Variants in NCKAP5 observed in about 807,000 individuals in gnomAD.
The protein encoded by NCKAP5 is nck-associated protein 5.
In NCKAP5, 92 loss-of-function variants were observed where a neutral mutation model predicts 167.0. The ratio of observed to expected loss-of-function variants is 0.55; its 90% CI spans 0.47 to 0.66. The LOEUF is 0.66. Among genes scored for constraint, NCKAP5 ranks in the 30% least tolerant of loss-of-function variants. The pLI, the probability that NCKAP5 is intolerant of heterozygous loss-of-function variation, is 0.00. For missense variants in NCKAP5, 2,378 were observed against 2,315.0 expected (o/e 1.03, Z -0.56); for synonymous variants, 891 against 877.4 (o/e 1.02, Z -0.27).
At chr2:133,462,372 G>A (rs1039571477) in intron 3 of NCKAP5, among the ~76,000 whole-genome samples, 1 of 152,074 alleles carries the variant, frequency 6.6e-6, no homozygotes, top group Non-Finnish European at 1.5e-5. Flanking sequence ...ACTAAATCTT[G>A]GCTTCTACAG....
intron 3 of NCKAP5, among the ~76,000 whole-genome samples, chr2:133,453,618 T>C (rs1304769548): frequency 6.6e-6 from 1 of 152,070 alleles, no homozygotes; most frequent in Admixed American, 6.6e-5. Flanking sequence ...GCCAGTAAAA[T>C]ATATTTATGC....
At chr2:133,323,725 G>C (rs1429005912) in intron 3 of NCKAP5, among the ~76,000 whole-genome samples, 1 of 152,186 alleles carries the variant, frequency 6.6e-6, no homozygotes, top group Non-Finnish European at 1.5e-5. Flanking sequence ...CAGAACCAGT[G>C]TGATTGTCTG....
chr2:133,233,443 T>G lies in NCKAP5; in HGVS notation c.144-19664A>C, dbSNP rs7605535. On this transcript the variant is annotated intron_variant, in intron 4 of 19. Coordinates refer to ENST00000409261, the MANE Select transcript of NCKAP5 (RefSeq NM_207363.3). ...GACATACATACATATTGCATTGAAA[T>G]AAAAAAATCAAAAGAGTATTTTCAC... Among the ~76,000 whole-genome samples the G allele has an allele frequency of 4.1e-3, 620 of 152,130 alleles. 4 individuals are homozygous for G. Among genetic ancestry groups the G allele is most frequent in the African/African-American group, 0.014 (585 of 41,524 alleles).
intron 4 of NCKAP5, among the ~76,000 whole-genome samples, chr2:133,228,932 A>G (rs1297550960): frequency 6.6e-6 from 1 of 152,196 alleles, no homozygotes; most frequent in Admixed American, 6.5e-5. Context: ...ATCAACAATA[A>G]AGTCAACAAT....
At chr2:133,090,740 T>G (rs2149633897) in intron 6 of NCKAP5, among the ~76,000 whole-genome samples, 1 of 149,414 alleles carries the variant, frequency 6.7e-6, no homozygotes, top group Non-Finnish European at 1.5e-5. Context: ...GTTTATGTGT[T>G]TGTTTTGCCC....
chr2:132,720,073 C>G (rs771717454), intron 19 of NCKAP5, among the ~76,000 whole-genome samples: 1 of 152,118 alleles, frequency 6.6e-6, no homozygotes, highest in East Asian at 1.9e-4. Context: ...TCCCTTCATC[C>G]GGAGATTGGG....
At position 133,194,164 on chromosome 2, in the gene NCKAP5, T is replaced by C. The variant is rs375764396; in HGVS notation, c.207+19552A>G. ...CTCCTTTTTTTAAAATAAAAACTAA[T>C]GAAAGCTAGAGAAAGGTGGCACTAG... is the stretch of plus-strand genomic sequence containing the variant. On this transcript the variant is annotated intron_variant, in intron 5 of 19. Transcript: ENST00000409261. Among the ~76,000 whole-genome samples, 111 of 152,208 alleles carry C rather than the reference T, an allele frequency of 7.3e-4. 1 individual carries two copies. The Middle Eastern group carries it at 0.01, about 14-fold the overall frequency.
At chr2:132,926,214 G>T (rs774421546) in intron 8 of NCKAP5, 1 of 392,550 alleles carries the variant, frequency 2.5e-6, no homozygotes, top group Middle Eastern at 3.6e-4. Context: ...TTCTGCAAAA[G>T]ATATGATTTC....
At chr2:133,439,508 G>A (rs1187073758) in intron 3 of NCKAP5, among the ~76,000 whole-genome samples, 1 of 152,222 alleles carries the variant, frequency 6.6e-6, no homozygotes, top group Non-Finnish European at 1.5e-5. Context: ...TGATCCTTGA[G>A]CAGGCTGGGC....
intron 4 of NCKAP5, among the ~76,000 whole-genome samples, chr2:133,222,434 C>T (rs1177695255): frequency 1.3e-5 from 2 of 152,076 alleles, no homozygotes; most frequent in Non-Finnish European, 2.9e-5. Flanking sequence ...TCTATTAATA[C>T]ATTCAATATG....
chr2:133,113,568 G>T (rs188124757), intron 6 of NCKAP5, among the ~76,000 whole-genome samples: 2 of 152,296 alleles, frequency 1.3e-5, no homozygotes, highest in East Asian at 3.9e-4. Flanking sequence ...ACCAGGTGTG[G>T]GTTTCCCTGC....
At chr2:133,592,395 T>C in the NCKAP5 span, among the ~76,000 whole-genome samples, 1 of 152,236 alleles carries the variant, frequency 6.6e-6, no homozygotes, top group African/African-American at 2.4e-5. Context: ...TTCACAGGCA[T>C]CTCTCTCCTT....
chr2:132,995,415 C>T (rs1392918933), intron 6 of NCKAP5, among the ~76,000 whole-genome samples: 2 of 151,908 alleles, frequency 1.3e-5, no homozygotes, highest in Non-Finnish European at 2.9e-5. Context: ...CTTTGGGAGG[C>T]TGAGGTGGGT....
At chr2:133,635,195 G>C in the NCKAP5 span, among the ~76,000 whole-genome samples, 1 of 151,968 alleles carries the variant, frequency 6.6e-6, no homozygotes, top group African/African-American at 2.4e-5. Flanking sequence ...TTCTAAGTCT[G>C]GCAACTGCAT....
chr2:133,361,254 C>A (rs1574797364), intron 3 of NCKAP5, among the ~76,000 whole-genome samples: 1 of 152,094 alleles, frequency 6.6e-6, no homozygotes, highest in East Asian at 1.9e-4. Context: ...ATGTGAGCGC[C>A]TAAGTAGCCA....
chr2:132,939,461 C>T lies in NCKAP5; in HGVS notation c.579+24259G>A, dbSNP rs552491441. On this transcript the variant is annotated intron_variant, in intron 8 of 19. Coordinates refer to ENST00000409261, the MANE Select transcript of NCKAP5 (RefSeq NM_207363.3). ...TGGCCCCTCTCTGCATTCTAGCCTC[C>T]GGGCTTGAGACTCACCACCAACACT... Among the ~76,000 whole-genome samples the T allele has an allele frequency of 1.3e-4, 20 of 152,278 alleles. 1 individual carries two copies. The South Asian group carries it at 3.5e-3, about 27-fold the overall frequency.
chr2:133,330,110 A>C (rs1682741505), intron 3 of NCKAP5, among the ~76,000 whole-genome samples: 1 of 133,266 alleles, frequency 7.5e-6, no homozygotes, highest in African/African-American at 2.9e-5. Context: ...TCTGTCACCA[A>C]GGCTGGAGAG....
At chr2:133,405,876 A>G (rs1437701131) in intron 3 of NCKAP5, among the ~76,000 whole-genome samples, 1 of 152,230 alleles carries the variant, frequency 6.6e-6, no homozygotes, top group Non-Finnish European at 1.5e-5. Context: ...TGCCGTAGGC[A>G]CTCAATACAT....
intron 5 of NCKAP5, among the ~76,000 whole-genome samples, chr2:133,201,899 T>C (rs929165096): frequency 1.3e-5 from 2 of 152,064 alleles, no homozygotes; most frequent in Admixed American, 1.3e-4. Context: ...CACAAACAAA[T>C]GCAAGAACAT....
Sources: gnomAD v4.1 joint callset for allele counts (sites outside exome capture counted in the v4.1 genomes callset) on GRCh38, gnomAD v4.1.1 for gene constraint, MANE v1.5 for transcripts, NCBI Gene and HGNC (gene_info 2026-07-23, HGNC 2026-07-21) for gene names.